The following PLA2G4D variants were observed in gnomAD, a reference collection of about 807,000 sequenced individuals.
The protein encoded by PLA2G4D is phospholipase A2 group IVD, also known as cytosolic phospholipase A2 delta.
Under a neutral mutation model 94.4 loss-of-function variants are expected in PLA2G4D, and 80 were observed. The observed-to-expected ratio is 0.85, with a 90% CI of 0.71 to 1.02. The LOEUF (loss-of-function observed/expected upper bound fraction) is 1.02, where lower values mean the gene tolerates loss of function less well. Among genes scored for constraint, PLA2G4D ranks in the 50% least tolerant of loss-of-function variants. The probability of loss-of-function intolerance (pLI) is 0.00; values close to 1 mark genes in which losing one functional copy is unlikely to be tolerated. For synonymous variants in PLA2G4D, 438 were observed against 440.9 expected, an observed-to-expected ratio of 0.99 and a Z score of 0.08; for missense variants, 1,050 against 1,034.7, an observed-to-expected ratio of 1.01 and a Z score of -0.20.
chr15:42,087,193 T>G, intron 3 of PLA2G4D, 107 bp downstream of exon 3: 10 of 1,443,022 alleles, frequency 6.9e-6, no homozygotes, highest in Non-Finnish European at 9.6e-6. Flanking sequence ...CCCCTACTGC[T>G]GAGAGTTTCT....
At chr15:42,083,885 G>C in intron 6 of PLA2G4D, 106 bp from the exon 7 acceptor site, 1 of 1,092,054 alleles carries the variant, frequency 9.2e-7, no homozygotes, top group South Asian at 1.3e-5. Context: ...CACACACAAG[G>C]AGTTGTGTGG....
chr15:42,082,922 G>A (rs1456994070), intron 8 of PLA2G4D, among the ~76,000 whole-genome samples: 4 of 152,210 alleles, frequency 2.6e-5, no homozygotes, highest in Non-Finnish European at 5.9e-5. Flanking sequence ...GCCAGGCTGT[G>A]CAGGGCCATG....
In PLA2G4D at chr15:42,086,193, T is replaced by TTCCC; in HGVS notation, c.387+16_387+19dup. 2 of 1,398,078 alleles carry TTCCC rather than the reference T, an allele frequency of 1.4e-6. No homozygotes were observed. Among genetic ancestry groups the TTCCC allele is most frequent in the South Asian group, 1.5e-5 (1 of 67,160 alleles). The allele number at this position is 1,398,078 out of a possible 1,614,324, so 86.6% of individuals were successfully genotyped here. ...TGGAAGAAGTGGGGCCCACGGGGACTTCCCCACCCACCCACCCACCTGGGG... is the reference window on the plus strand; with the variant it reads ...TGGAAGAAGTGGGGCCCACGGGGACTTCCCTCCCCACCCACCCACCCACCTGGGG... On this transcript the variant is annotated intron_variant, in intron 4 of 19. Transcript: ENST00000290472.
intron 1 of PLA2G4D, among the ~76,000 whole-genome samples, chr15:42,094,075 C>T (rs999123413): frequency 2.6e-5 from 4 of 152,072 alleles, no homozygotes; most frequent in Non-Finnish European, 2.9e-5. Flanking sequence ...GGAAGTCTGC[C>T]GGCCTGTGGT....
intron 14 of PLA2G4D, 24 bp from the exon 15 acceptor site, chr15:42,071,935 A>G (rs1182784528): frequency 6.2e-7 from 1 of 1,611,578 alleles, no homozygotes; most frequent in South Asian, 1.1e-5. Context: ...AAGGAGAGGC[A>G]GGAGTGTGAG....
rs189468294 is a variant in PLA2G4D at position 42,087,614 on chromosome 15, G to A, written c.118+14C>T. 245 of 1,614,040 alleles carry A rather than the reference G, an allele frequency of 1.5e-4. No individual in the cohort carries two copies. Among genetic ancestry groups the A allele is most frequent in the Non-Finnish European group, 3.6e-5 (42 of 1,179,978 alleles). On this transcript the variant is annotated intron_variant, in intron 2 of 19. Transcript: ENST00000290472. Reference sequence around the variant, plus strand: ...CTCCCTGCTCCCGACAGAGCGCACAGGGCGGTTACTCACACAGGTCAGCCC... The same window carrying A: ...CTCCCTGCTCCCGACAGAGCGCACAAGGCGGTTACTCACACAGGTCAGCCC...
At position 42,083,413 on chromosome 15, in the gene PLA2G4D, C is replaced by A. The variant is rs140826524; in HGVS notation, c.536-79G>T. 1.1e-4 allele frequency: 170 copies of A among 1,533,776 alleles called. 1 individual carries two copies. In the African/African-American group the frequency reaches 2.2e-3, roughly 20 times the overall value. On this transcript the variant is annotated intron_variant, in intron 7 of 19. Coordinates refer to ENST00000290472, the MANE Select transcript of PLA2G4D (RefSeq NM_178034.4). ...CGGACCTGGGACAGCAGCACCACCA[C>A]CTGGATTCAGAGGATGCCTGGGAGG...
chr15:42,087,399 C>T lies in PLA2G4D; in HGVS notation c.156G>A (p.Ser52=), dbSNP rs750399704. The change falls in exon 3 of 20, where the codon TCG becomes TCA. Residue 52 remains serine (S), a synonymous_variant. Transcript: ENST00000290472. ...TCTTAAACTTCATTCCAGGTGCGGT[C>T]GACAGCTGTAGGATCACGTAAGGGT... ...EADPYVILQL[S]TAPGMKFKTK... 2.0e-5 allele frequency: 32 copies of T among 1,613,994 alleles called. No individual in the cohort carries two copies. Among genetic ancestry groups the T allele is most frequent in the Admixed American group, 3.3e-5 (2 of 59,994 alleles).
Position 42,071,112 on chromosome 15 carries a change from A to G in PLA2G4D, c.1876+11T>C. 1 of 1,598,316 alleles carries G rather than the reference A, an allele frequency of 6.3e-7. No individual in the cohort carries two copies. ...CCTTGTGACCTAGGGACCCCTGGCC[A>G]CGGCCCTGACCTGCCCAGGTGGAGA... On this transcript the variant is annotated intron_variant, in intron 17 of 19. Coordinates refer to ENST00000290472, the MANE Select transcript of PLA2G4D (RefSeq NM_178034.4).
At position 42,070,099 on chromosome 15, in the gene PLA2G4D, G is replaced by C. The variant is rs940957288; in HGVS notation, c.2044-4C>G. Reference sequence around the variant, plus strand: ...ACAGCTCCGTCTGCTGCAGTGCCTGGTGGGGAGAAGGTGGCCCGGAGAGAA... The same window carrying C: ...ACAGCTCCGTCTGCTGCAGTGCCTGCTGGGGAGAAGGTGGCCCGGAGAGAA... On this transcript the variant is annotated splice_polypyrimidine_tract_variant and splice_region_variant and intron_variant, in intron 18 of 19. Transcript: ENST00000290472. 12 of 1,501,870 alleles carry C rather than the reference G, an allele frequency of 8.0e-6. No individual in the cohort carries two copies. Among genetic ancestry groups the C allele is most frequent in the Admixed American group, 2.3e-5 (1 of 43,020 alleles). 93.0% of individuals were successfully genotyped at this position (1,501,870 alleles called of 1,614,324 possible). A position where few individuals can be genotyped will look rare whatever the true frequency, so the allele number is the denominator to read the frequency against.
chr15:42,069,845 G>C (rs188374076), intron 19 of PLA2G4D, 64 bp downstream of exon 19: 14 of 1,260,810 alleles, frequency 1.1e-5, no homozygotes, highest in African/African-American at 4.8e-5. Flanking sequence ...CTGGGCAGCC[G>C]GGGGGCCCAG....
chr15:42,083,048 T>C, intron 8 of PLA2G4D, 150 bp downstream of exon 8: 1 of 1,045,944 alleles, frequency 9.6e-7, no homozygotes, highest in Non-Finnish European at 1.4e-6. Context: ...TGGTCCTCTG[T>C]GTCTGCCAAG....
Position 42,086,196 on chromosome 15 carries a change from C to CG in PLA2G4D, c.387+16_387+17insC. On this transcript the variant is annotated intron_variant, in intron 4 of 19. Transcript: ENST00000290472. Reference sequence around the variant, plus strand: ...AAGAAGTGGGGCCCACGGGGACTTCCCCACCCACCCACCCACCTGGGGACT... The same window carrying CG: ...AAGAAGTGGGGCCCACGGGGACTTCCGCCACCCACCCACCCACCTGGGGACT... The CG allele has an allele frequency of 5.6e-6, 2 of 356,904 alleles. No individual in the cohort carries two copies. Among genetic ancestry groups the CG allele is most frequent in the South Asian group, 2.3e-5 (1 of 44,008 alleles). The allele number at this position is 356,904 out of a possible 1,614,324, so 22.1% of individuals were successfully genotyped here. A position where few individuals can be genotyped will look rare whatever the true frequency, so the allele number is the denominator to read the frequency against.
chr15:42,072,421 T>C, intron 13 of PLA2G4D, 29 bp from the exon 14 acceptor site: 1 of 1,583,422 alleles, frequency 6.3e-7, no homozygotes, highest in Non-Finnish European at 8.7e-7. Context: ...AGGGCCTAAG[T>C]GAGGCTGGGA....
chr15:42,087,648 T>A lies in PLA2G4D; in HGVS notation c.98A>T (p.Asn33Ile), dbSNP rs1049200886. The change falls in exon 2 of 20, where the codon AAC (asparagine) becomes ATC (isoleucine). Residue 33 changes from asparagine (N) to isoleucine (I), a missense_variant. Coordinates refer to ENST00000290472, the MANE Select transcript of PLA2G4D (RefSeq NM_178034.4). ...QLTVRVLEARNLRWADLLSEA... is the reference protein window; with the variant it reads ...QLTVRVLEARILRWADLLSEA... ...CTCACACAGGTCAGCCCAGCGCAGG[T>A]TCCGCGCCTCCAGGACCCTCACTGT... 5 of 1,614,108 alleles carry A rather than the reference T, an allele frequency of 3.1e-6. No individual in the cohort carries two copies. The highest frequency in any genetic ancestry group is 1.7e-5 in the Admixed American group (1 of 60,020).
At chr15:42,088,691 G>C (rs1318631008) in intron 1 of PLA2G4D, among the ~76,000 whole-genome samples, 1 of 152,302 alleles carries the variant, frequency 6.6e-6, no homozygotes, top group East Asian at 1.9e-4. Context: ...TGTTGGCCTT[G>C]CATCCTCTTG....
At chr15:42,085,956 T>G (rs993484085) in intron 4 of PLA2G4D, among the ~76,000 whole-genome samples, 2 of 152,234 alleles carry the variant, frequency 1.3e-5, no homozygotes, top group Non-Finnish European at 2.9e-5. Context: ...GCAGGAGTGA[T>G]GGATGCTGAG....
At chr15:42,076,034 C>G (rs1044565272) in intron 13 of PLA2G4D, among the ~76,000 whole-genome samples, 1 of 152,074 alleles carries the variant, frequency 6.6e-6, no homozygotes, top group African/African-American at 2.4e-5. Flanking sequence ...GGTAACTTGG[C>G]CTATCAGATA....
At chr15:42,080,004 G>C (rs1330182069) in intron 12 of PLA2G4D, among the ~76,000 whole-genome samples, 1 of 152,194 alleles carries the variant, frequency 6.6e-6, no homozygotes, top group Non-Finnish European at 1.5e-5. Context: ...ATACAAGCCT[G>C]TAAAAATTAA....
Sources: gnomAD v4.1 joint callset for allele counts (sites outside exome capture counted in the v4.1 genomes callset) on GRCh38, gnomAD v4.1.1 for gene constraint, MANE v1.5 for transcripts, NCBI Gene and HGNC (gene_info 2026-07-23, HGNC 2026-07-21) for gene names.